The following SLC36A1 variants were observed in gnomAD, a reference collection of about 807,000 sequenced individuals.
SLC36A1 encodes the protein solute carrier family 36 member 1.
Under a neutral mutation model 47.5 loss-of-function variants are expected in SLC36A1, and 30 were observed. The ratio of observed to expected loss-of-function variants is 0.63; its 90% CI spans 0.47 to 0.86. The LOEUF (loss-of-function observed/expected upper bound fraction) is 0.86, where lower values mean the gene tolerates loss of function less well. SLC36A1 is among the 40% of genes least tolerant of loss of function. The probability of loss-of-function intolerance (pLI) is 0.00; values close to 1 mark genes in which losing one functional copy is unlikely to be tolerated. For missense variants in SLC36A1, 517 were observed against 606.0 expected (o/e 0.85, Z 1.54); for synonymous variants, 255 against 249.7 (o/e 1.02, Z -0.20).
At chr5:151,472,143 C>T (rs1000668094) in intron 7 of SLC36A1, among the ~76,000 whole-genome samples, 12 of 152,176 alleles carry the variant, frequency 7.9e-5, no homozygotes, top group Non-Finnish European at 1.3e-4. Context: ...TATTAACTCA[C>T]GCAATCACAG....
At chr5:151,551,976 G>GGT in the SLC36A1 span, among the ~76,000 whole-genome samples, 66,648 of 143,418 alleles carry the variant, frequency 0.46, 15,734 homozygotes, top group Non-Finnish European at 0.55. Flanking sequence ...TAACCCTAAG[G>GGT]GTGTGTGTGT....
the SLC36A1 span, chr5:151,380,915 G>A: frequency 2.5e-6 from 1 of 406,744 alleles, no homozygotes; most frequent in South Asian, 2.0e-5. Flanking sequence ...GATGCCGCAA[G>A]CATTGGCAAT....
the SLC36A1 span, chr5:151,543,373 A>C: frequency 6.2e-7 from 1 of 1,614,096 alleles, no homozygotes; most frequent in East Asian, 2.2e-5. Flanking sequence ...AGATGCTTTG[A>C]ACTGTGGGGG....
chr5:151,554,449 G>A, the SLC36A1 span: 72 of 1,614,160 alleles, frequency 4.5e-5, no homozygotes, highest in South Asian at 1.4e-4. Context: ...CCTCCTCATC[G>A]CTGTCCTCGA....
the SLC36A1 span, among the ~76,000 whole-genome samples, chr5:151,362,217 G>C: frequency 6.6e-6 from 1 of 152,020 alleles, no homozygotes; most frequent in East Asian, 1.9e-4. Context: ...GGTCTTTTGA[G>C]ATAATTTTTT....
At chr5:151,507,730 AC>A in the SLC36A1 span, 12 of 909,452 alleles carry the variant, frequency 1.3e-5, no homozygotes, top group African/African-American at 5.1e-5. Context: ...CCCGTTTTTC[AC>A]CCCCCAAAAA....
chr5:151,385,037 T>TGTGTGTGTGTGTGA, the SLC36A1 span, among the ~76,000 whole-genome samples: 1,874 of 141,894 alleles, frequency 0.013, 52 homozygotes, highest in African/African-American at 0.048. Flanking sequence ...TGTGTGTGTG[T>TGTGTGTGTGTGTGA]GAGAGAGAGA....
the SLC36A1 span, among the ~76,000 whole-genome samples, chr5:151,555,201 C>G: frequency 6.6e-6 from 1 of 151,986 alleles, no homozygotes; most frequent in South Asian, 2.1e-4. Context: ...ATCAATAGCC[C>G]CAAGGGCATC....
At chr5:151,543,389 C>T in the SLC36A1 span, 3 of 1,614,022 alleles carry the variant, frequency 1.9e-6, no homozygotes, top group Non-Finnish European at 2.5e-6. Flanking sequence ...GGGGGGTTGT[C>T]ATTTTCATCT....
chr5:151,550,819 T>G, the SLC36A1 span: 1 of 1,613,856 alleles, frequency 6.2e-7, no homozygotes, highest in East Asian at 2.2e-5. Context: ...ATAACGAGTT[T>G]CCAGAAACTG....
At chr5:151,433,268 T>G (rs10059536), upstream of SLC36A1, among the ~76,000 whole-genome samples, 2 of 13,116 alleles carry the variant, frequency 1.5e-4, no homozygotes, top group African/African-American at 5.3e-4. Context: ...ATATATATAT[T>G]TTTTTTTTTT....
the SLC36A1 span, among the ~76,000 whole-genome samples, chr5:151,430,939 T>C: frequency 2.0e-5 from 3 of 152,216 alleles, no homozygotes; most frequent in Non-Finnish European, 2.9e-5. Flanking sequence ...CCCTGGAATT[T>C]CACTTCTGTG....
chr5:151,456,012 G>A (rs958446039), intron 1 of SLC36A1, among the ~76,000 whole-genome samples: 1 of 152,274 alleles, frequency 6.6e-6, no homozygotes, highest in East Asian at 1.9e-4. Flanking sequence ...TAACTCAAGG[G>A]GGGAGTGACA....
the SLC36A1 span, among the ~76,000 whole-genome samples, chr5:151,536,060 A>G: frequency 1.4e-4 from 22 of 152,214 alleles, no homozygotes; most frequent in Non-Finnish European, 3.1e-4. Context: ...GTAATTATAT[A>G]GAGATTTTGG....
chr5:151,507,436 C>T, the SLC36A1 span: 1 of 1,614,204 alleles, frequency 6.2e-7, no homozygotes, highest in East Asian at 2.2e-5. Context: ...TCCATGGCCA[C>T]AGGCTTGTGA....
chr5:151,362,476 C>T, the SLC36A1 span, among the ~76,000 whole-genome samples: 12 of 151,446 alleles, frequency 7.9e-5, no homozygotes, highest in South Asian at 2.1e-4. Context: ...CTGCAACCTC[C>T]GCCTCCTAAG....
At chr5:151,544,468 A>C in the SLC36A1 span, 1 of 1,614,140 alleles carries the variant, frequency 6.2e-7, no homozygotes, top group East Asian at 2.2e-5. Flanking sequence ...ACCAGTCTTG[A>C]AGTCAGTGGT....
the SLC36A1 span, among the ~76,000 whole-genome samples, chr5:151,404,769 A>G: frequency 5.4e-4 from 82 of 152,342 alleles, no homozygotes; most frequent in African/African-American, 1.9e-3. Flanking sequence ...TCTGCTGAGA[A>G]GACTACTGTT....
the SLC36A1 span, chr5:151,554,717 A>T: frequency 6.8e-7 from 1 of 1,467,704 alleles, no homozygotes; most frequent in Non-Finnish European, 9.4e-7. Context: ...GACAATTGCA[A>T]ATTAGTGACT....
Sources: gnomAD v4.1 joint callset for allele counts (sites outside exome capture counted in the v4.1 genomes callset) on GRCh38, gnomAD v4.1.1 for gene constraint, MANE v1.5 for transcripts, NCBI Gene and HGNC (gene_info 2026-07-23, HGNC 2026-07-21) for gene names.